ADAMTSL1: variants seen among roughly 807,000 people sequenced by gnomAD.
The protein encoded by ADAMTSL1 is ADAMTS like 1, also known as ADAMTS-like protein 1.
A neutral mutation model predicts 201.8 loss-of-function variants in ADAMTSL1; 126 were observed. The observed-to-expected ratio is 0.62, with a 90% CI of 0.54 to 0.72. The LOEUF is 0.72. Among genes scored for constraint, ADAMTSL1 ranks in the 30% least tolerant of loss-of-function variants. The pLI is 0.00. For missense variants in ADAMTSL1, 2,679 were observed against 2,277.8 expected, an observed-to-expected ratio of 1.18 and a Z score of -3.59; for synonymous variants, 1,121 against 903.4, an observed-to-expected ratio of 1.24 and a Z score of -4.32.
chr9:18,582,313 G>A (rs113249324), intron 4 of ADAMTSL1, among the ~76,000 whole-genome samples: 6 of 152,248 alleles, frequency 3.9e-5, no homozygotes, highest in African/African-American at 1.4e-4. Context: ...AAGTACCAAG[G>A]AGAAACCAGG....
At chr9:18,112,603 C>A (rs1825073170) in intron 1 of ADAMTSL1, among the ~76,000 whole-genome samples, 1 of 151,776 alleles carries the variant, frequency 6.6e-6, no homozygotes, top group African/African-American at 2.4e-5. Flanking sequence ...TGGGAGAAAC[C>A]TAAGATAATG....
At chr9:18,746,623 C>T (rs1819161210) in intron 15 of ADAMTSL1, among the ~76,000 whole-genome samples, 1 of 152,108 alleles carries the variant, frequency 6.6e-6, no homozygotes, top group African/African-American at 2.4e-5. Context: ...CATAATAGCT[C>T]AGGGTGGGAA....
intron 4 of ADAMTSL1, among the ~76,000 whole-genome samples, chr9:18,576,270 T>A (rs1475736529): frequency 2.0e-5 from 3 of 152,186 alleles, no homozygotes; most frequent in African/African-American, 4.8e-5. Context: ...AAGATTGCAT[T>A]TAAGCACTAA....
intron 2 of ADAMTSL1, 73 bp downstream of exon 2, chr9:18,505,029 G>T: frequency 6.6e-7 from 1 of 1,514,970 alleles, no homozygotes; most frequent in Admixed American, 2.4e-5. Flanking sequence ...TTTGTGATTG[G>T]GTTTATGGAG....
chr9:18,172,976 C>G (rs906238246), intron 2 of ADAMTSL1, among the ~76,000 whole-genome samples: 2 of 152,060 alleles, frequency 1.3e-5, no homozygotes, highest in Non-Finnish European at 2.9e-5. Flanking sequence ...TCGCTAACCT[C>G]TTTAGGCAGA....
At chr9:18,075,142 G>T (rs1349389638) in intron 1 of ADAMTSL1, among the ~76,000 whole-genome samples, 1 of 151,952 alleles carries the variant, frequency 6.6e-6, no homozygotes, top group African/African-American at 2.4e-5. Context: ...CTTCTGTGAG[G>T]GGGAGGGAAA....
intron 2 of ADAMTSL1, among the ~76,000 whole-genome samples, chr9:18,430,157 G>T (rs1214920943): frequency 6.6e-6 from 1 of 152,152 alleles, no homozygotes; most frequent in African/African-American, 2.4e-5. Context: ...TGGGGATACT[G>T]TTGAAATGCA....
intron 5 of ADAMTSL1, among the ~76,000 whole-genome samples, chr9:18,623,706 T>A (rs144312122): frequency 1.3e-3 from 191 of 152,318 alleles, no homozygotes; most frequent in Non-Finnish European, 1.6e-3. Context: ...CAGATAGAAA[T>A]AAGACAGCCC....
chr9:18,151,247 T>A (rs1464875970), intron 1 of ADAMTSL1, among the ~76,000 whole-genome samples: 1 of 152,050 alleles, frequency 6.6e-6, no homozygotes, highest in Non-Finnish European at 1.5e-5. Context: ...AAAAAACCTT[T>A]ACACAACTGT....
chr9:17,944,571 A>G (rs1185466484), intron 1 of ADAMTSL1, among the ~76,000 whole-genome samples: 1 of 149,284 alleles, frequency 6.7e-6, no homozygotes, highest in Non-Finnish European at 1.5e-5. Flanking sequence ...ACTATACTAC[A>G]AGGCTACAGT....
chr9:18,263,688 A>G (rs1036562914), intron 2 of ADAMTSL1, among the ~76,000 whole-genome samples: 1 of 152,176 alleles, frequency 6.6e-6, no homozygotes, highest in Non-Finnish European at 1.5e-5. Context: ...CCCCTAAGGG[A>G]GTAATTAAGG....
intron 2 of ADAMTSL1, among the ~76,000 whole-genome samples, chr9:18,417,544 A>G (rs1818741664): frequency 6.6e-6 from 1 of 152,118 alleles, no homozygotes; most frequent in Non-Finnish European, 1.5e-5. Context: ...TTACCATATC[A>G]GAATGATACA....
At chr9:18,317,307 G>A (rs1046675210) in intron 2 of ADAMTSL1, among the ~76,000 whole-genome samples, 13 of 152,038 alleles carry the variant, frequency 8.6e-5, no homozygotes, top group African/African-American at 2.7e-4. Context: ...AGTTCTGGGG[G>A]TCGAATGTAC....
At chr9:18,062,011 T>G (rs899647515) in intron 1 of ADAMTSL1, among the ~76,000 whole-genome samples, 1 of 152,196 alleles carries the variant, frequency 6.6e-6, no homozygotes, top group Non-Finnish European at 1.5e-5. Flanking sequence ...TGCAGTGCAG[T>G]GAATTGAGGG....
intron 2 of ADAMTSL1, among the ~76,000 whole-genome samples, chr9:18,329,951 GA>G (rs1239189583): frequency 6.6e-6 from 1 of 152,130 alleles, no homozygotes; most frequent in Non-Finnish European, 1.5e-5. Flanking sequence ...GTGTCTTAGT[GA>G]TTATCTGTAT....
intron 2 of ADAMTSL1, among the ~76,000 whole-genome samples, chr9:18,335,705 C>A (rs1335813870): frequency 6.6e-6 from 1 of 152,122 alleles, no homozygotes; most frequent in African/African-American, 2.4e-5. Flanking sequence ...TGTGAACTAT[C>A]TATTCCATGT....
intron 23 of ADAMTSL1, among the ~76,000 whole-genome samples, chr9:18,873,077 G>A (rs567918785): frequency 6.6e-6 from 1 of 152,296 alleles, no homozygotes; most frequent in South Asian, 2.1e-4. Flanking sequence ...AATTAGTGAT[G>A]TTGAGCATTT....
chr9:18,400,123 C>T (rs1272684848), intron 2 of ADAMTSL1, among the ~76,000 whole-genome samples: 2 of 109,916 alleles, frequency 1.8e-5, no homozygotes, highest in African/African-American at 6.5e-5. Context: ...CCTAGCAACT[C>T]CCTCTTTCCA....
chr9:18,600,891 AT>A (rs1824606642), intron 4 of ADAMTSL1, among the ~76,000 whole-genome samples: 1 of 152,112 alleles, frequency 6.6e-6, no homozygotes, highest in Non-Finnish European at 1.5e-5. Flanking sequence ...TATACATCTC[AT>A]TTACGTTATT....
Sources: gnomAD v4.1 joint callset for allele counts (sites outside exome capture counted in the v4.1 genomes callset) on GRCh38, gnomAD v4.1.1 for gene constraint, MANE v1.5 for transcripts, NCBI Gene and HGNC (gene_info 2026-07-23, HGNC 2026-07-21) for gene names.